Variants in MSR1 observed in about 807,000 individuals in gnomAD.
The protein encoded by MSR1 is macrophage scavenger receptor types I and II.
Under a neutral mutation model 47.2 loss-of-function variants are expected in MSR1, and 53 were observed. The observed-to-expected ratio is 1.12, with a 90% confidence interval of 0.90 to 1.41. The LOEUF (loss-of-function observed/expected upper bound fraction) is 1.41, where lower values mean the gene tolerates loss of function less well. Among genes scored for constraint, MSR1 ranks in the 40% most tolerant of loss-of-function variants. The pLI is 0.00. For missense variants in MSR1, 786 were observed against 546.9 expected, an observed-to-expected ratio of 1.44 and a Z score of -4.36; for synonymous variants, 239 against 185.6, an observed-to-expected ratio of 1.29 and a Z score of -2.34.
At chr8:16,192,477 A>C (rs1802226295) in intron 1 of MSR1, 121 bp downstream of exon 1, 1 of 139,284 alleles carries the variant, frequency 7.2e-6, no homozygotes. Flanking sequence ...CATCATACAC[A>C]CACAGACACA....
chr8:16,180,525 T>C (rs1008886236), intron 1 of MSR1, among the ~76,000 whole-genome samples: 1 of 152,202 alleles, frequency 6.6e-6, no homozygotes, highest in Non-Finnish European at 1.5e-5. Context: ...GTTCCGTTCA[T>C]GTGATTGACA....
chr8:16,109,988 A>T lies in MSR1; in HGVS notation c.*97T>A. On this transcript the variant is annotated 3_prime_UTR_variant, in exon 10 of 10. Coordinates refer to ENST00000262101, the MANE Select transcript of MSR1 (RefSeq NM_138715.3). ...AAAATATTATTTGGGCAATATTCTT[A>T]ATCTCTTAAATATTGATTAAATGGA... is the stretch of plus-strand genomic sequence containing the variant. 1 of 1,434,444 alleles carries T rather than the reference A, an allele frequency of 7.0e-7. No individual in the cohort carries two copies. The highest frequency in any genetic ancestry group is 9.7e-7 in the Non-Finnish European group (1 of 1,028,902). 88.9% of individuals were successfully genotyped at this position (1,434,444 alleles called of 1,614,324 possible). A position where few individuals can be genotyped will look rare whatever the true frequency, so the allele number is the denominator to read the frequency against.
At chr8:16,189,078 TC>T (rs1184641833) in intron 1 of MSR1, among the ~76,000 whole-genome samples, 1 of 145,960 alleles carries the variant, frequency 6.9e-6, no homozygotes, top group Middle Eastern at 3.5e-3. Context: ...TACATATATT[TC>T]ATATATACGC....
intron 9 of MSR1, among the ~76,000 whole-genome samples, chr8:16,115,732 C>A (rs1468956509): frequency 6.6e-6 from 1 of 151,944 alleles, no homozygotes; most frequent in South Asian, 2.1e-4. Context: ...CATTCCAGTA[C>A]TTTGGGAGGC....
intron 1 of MSR1, among the ~76,000 whole-genome samples, chr8:16,189,980 T>C (rs1400577536): frequency 1.3e-5 from 2 of 148,172 alleles, no homozygotes; most frequent in South Asian, 2.1e-4. Flanking sequence ...AATGGTGTGA[T>C]CTCAGCTGAC....
Position 16,164,112 on chromosome 8 carries a change from T to G in MSR1, c.770A>C (p.Lys257Thr). ...CAAGGTCTGAGAATGTTCCCAATCT[T>G]TCAGTCTGAGATCATTAGTGATGTT... ...LNNITNDLRL[K>T]DWEHSQTLRN... The change falls in exon 5 of 10, where the codon AAA (lysine) becomes ACA (threonine). Residue 257 changes from lysine (K) to threonine (T), a missense_variant. Physicochemically the swap from Lys to Thr is moderately conservative, Grantham distance 78 (BLOSUM62 -1). Coordinates refer to ENST00000262101, the MANE Select transcript of MSR1 (RefSeq NM_138715.3). The G allele has an allele frequency of 6.2e-7, 1 of 1,611,230 alleles. No individual in the cohort carries two copies.
chr8:16,149,717 G>T (rs891986919), intron 7 of MSR1, among the ~76,000 whole-genome samples: 1 of 152,052 alleles, frequency 6.6e-6, no homozygotes, highest in Admixed American at 6.6e-5. Flanking sequence ...GTAGATAATG[G>T]CAGACAATTT....
chr8:16,180,965 C>A (rs1801812853), intron 1 of MSR1, among the ~76,000 whole-genome samples: 1 of 151,860 alleles, frequency 6.6e-6, no homozygotes, highest in Admixed American at 6.6e-5. Context: ...CAGGTAGAGG[C>A]AAAGCAAAAT....
intron 1 of MSR1, among the ~76,000 whole-genome samples, chr8:16,187,393 A>G (rs1370762983): frequency 1.6e-5 from 2 of 124,148 alleles, no homozygotes; most frequent in Non-Finnish European, 3.7e-5. Flanking sequence ...AAAAAAAGGA[A>G]AGAAAGAAAA....
chr8:16,119,389 C>A (rs1413447223), intron 9 of MSR1, among the ~76,000 whole-genome samples: 3 of 152,014 alleles, frequency 2.0e-5, no homozygotes, highest in African/African-American at 2.4e-5. Context: ...CCATGCCTGG[C>A]TAATTTTTGT....
intron 8 of MSR1, chr8:16,120,904 A>G (rs1799989650): frequency 2.5e-6 from 1 of 407,176 alleles, no homozygotes; most frequent in African/African-American, 2.0e-5. Flanking sequence ...ATTTTGACAG[A>G]TACAAGTTTA....
intron 2 of MSR1, 135 bp downstream of exon 2, chr8:16,177,751 G>C: frequency 1.4e-6 from 1 of 708,326 alleles, no homozygotes; most frequent in Non-Finnish European, 2.5e-6. Context: ...TCTGTCTCAA[G>C]AATACCCCTG....
At position 16,168,448 on chromosome 8, in the gene MSR1, A is replaced by T; in HGVS notation, c.630+10T>A. 1 of 1,613,986 alleles carries T rather than the reference A, an allele frequency of 6.2e-7. No individual in the cohort carries two copies. The highest frequency in any genetic ancestry group is 1.7e-5 in the Admixed American group (1 of 60,016). ...TCCAGCAAGTGACCTTGCAGTCCAC[A>T]AACTCTTACCTCTTGTTGTTTGAAG... is the stretch of plus-strand genomic sequence containing the variant. On this transcript the variant is annotated intron_variant, in intron 4 of 9. Coordinates refer to ENST00000262101, the MANE Select transcript of MSR1 (RefSeq NM_138715.3).
chr8:16,191,717 T>G (rs1035019841), intron 1 of MSR1, among the ~76,000 whole-genome samples: 4 of 152,138 alleles, frequency 2.6e-5, no homozygotes, highest in African/African-American at 9.7e-5. Flanking sequence ...ACCCACTGCA[T>G]AAAACGGCTA....
intron 9 of MSR1, among the ~76,000 whole-genome samples, chr8:16,115,540 A>C (rs540282724): frequency 2.3e-4 from 35 of 152,298 alleles, no homozygotes; most frequent in African/African-American, 7.7e-4. Context: ...TAGATCATAA[A>C]ACTTACTTTT....
intron 8 of MSR1, chr8:16,121,326 G>C: frequency 3.8e-6 from 1 of 264,934 alleles, no homozygotes; most frequent in Non-Finnish European, 7.4e-6. Context: ...AAGTAATTTT[G>C]TTCTGTAATG....
intron 8 of MSR1, chr8:16,141,078 T>A: frequency 6.2e-7 from 1 of 1,608,546 alleles, no homozygotes. Flanking sequence ...AATTAATTAT[T>A]TTTAACATAT....
At chr8:16,172,403 A>G (rs1801511500) in intron 3 of MSR1, among the ~76,000 whole-genome samples, 1 of 152,148 alleles carries the variant, frequency 6.6e-6, no homozygotes, top group Non-Finnish European at 1.5e-5. Flanking sequence ...ATTTTTCTAT[A>G]AAATGTTAAC....
At chr8:16,128,185 C>T (rs1033383365) in intron 8 of MSR1, among the ~76,000 whole-genome samples, 3 of 152,102 alleles carry the variant, frequency 2.0e-5, no homozygotes, top group African/African-American at 4.8e-5. Flanking sequence ...CAGTTCCAGC[C>T]GTGTGCTGCA....
Sources: gnomAD v4.1 joint callset for allele counts (sites outside exome capture counted in the v4.1 genomes callset) on GRCh38, gnomAD v4.1.1 for gene constraint, MANE v1.5 for transcripts, NCBI Gene and HGNC (gene_info 2026-07-23, HGNC 2026-07-21) for gene names.